The following NFIA variants were observed in gnomAD, a reference collection of about 807,000 sequenced individuals.
NFIA encodes the protein nuclear factor 1 A-type.
Under a neutral mutation model 62.8 loss-of-function variants are expected in NFIA, and 8 were observed. That is an observed-to-expected ratio of 0.13 (90% CI 0.07 to 0.23). The LOEUF (loss-of-function observed/expected upper bound fraction) is 0.23, where lower values mean the gene tolerates loss of function less well. Among genes scored for constraint, NFIA ranks in the 10% least tolerant of loss-of-function variants. The pLI is 1.00. For missense variants in NFIA, 410 were observed against 642.1 expected, an observed-to-expected ratio of 0.64 and a Z score of 3.91; for synonymous variants, 235 against 238.1, an observed-to-expected ratio of 0.99 and a Z score of 0.12.
intron 2 of NFIA, among the ~76,000 whole-genome samples, chr1:61,142,614 T>C (rs1647614137): frequency 6.6e-6 from 1 of 152,212 alleles, no homozygotes; most frequent in African/African-American, 2.4e-5. Flanking sequence ...GATTATGAAA[T>C]TGTAAAGGTT....
intron 2 of NFIA, among the ~76,000 whole-genome samples, chr1:61,209,713 A>G (rs1030728914): frequency 1.3e-5 from 2 of 151,854 alleles, no homozygotes; most frequent in Non-Finnish European, 2.9e-5. Flanking sequence ...TTAGCCAGGA[A>G]TGGTGGTGTG....
intron 2 of NFIA, among the ~76,000 whole-genome samples, chr1:61,101,124 A>G (rs971481816): frequency 1.1e-4 from 17 of 152,238 alleles, no homozygotes; most frequent in African/African-American, 4.1e-4. Flanking sequence ...GGCCAGGCAC[A>G]GTGGCTCATG....
At chr1:61,094,033 G>T (rs936188751) in intron 2 of NFIA, among the ~76,000 whole-genome samples, 1 of 152,136 alleles carries the variant, frequency 6.6e-6, no homozygotes, top group Non-Finnish European at 1.5e-5. Flanking sequence ...AATTCTAATT[G>T]CTCACAAATG....
At chr1:61,167,765 T>A (rs1649684784) in intron 2 of NFIA, among the ~76,000 whole-genome samples, 1 of 152,162 alleles carries the variant, frequency 6.6e-6, no homozygotes, top group South Asian at 2.1e-4. Flanking sequence ...AGGTTTTAGG[T>A]GTTATGATCC....
At chr1:61,404,312 T>C (rs1557761185) in intron 8 of NFIA, 30 bp downstream of exon 8, 28 of 1,564,228 alleles carry the variant, frequency 1.8e-5, no homozygotes, top group Middle Eastern at 1.7e-4. Context: ...TCCATTTCTT[T>C]AGAAATGTTA....
intron 2 of NFIA, among the ~76,000 whole-genome samples, chr1:61,243,562 A>G (rs1377010924): frequency 6.6e-6 from 1 of 151,994 alleles, no homozygotes; most frequent in African/African-American, 2.4e-5. Flanking sequence ...TTTTTTTTCT[A>G]TTACATATTC....
At chr1:61,280,721 G>A (rs1658079939) in intron 3 of NFIA, among the ~76,000 whole-genome samples, 1 of 152,100 alleles carries the variant, frequency 6.6e-6, no homozygotes, top group African/African-American at 2.4e-5. Context: ...AGACTCAACT[G>A]TAAAAGAAAA....
At chr1:61,268,868 C>T (rs976254410) in intron 2 of NFIA, among the ~76,000 whole-genome samples, 3 of 152,058 alleles carry the variant, frequency 2.0e-5, no homozygotes, top group Non-Finnish European at 2.9e-5. Flanking sequence ...AGCAAGGGGA[C>T]CCTGGATGCA....
chr1:61,356,905 C>T (rs1251289468), intron 5 of NFIA, among the ~76,000 whole-genome samples: 1 of 152,206 alleles, frequency 6.6e-6, no homozygotes, highest in Non-Finnish European at 1.5e-5. Context: ...GCTGCAATAG[C>T]TTAACTGTCT....
chr1:61,292,002 A>G (rs1011779129), intron 3 of NFIA, among the ~76,000 whole-genome samples: 1 of 152,190 alleles, frequency 6.6e-6, no homozygotes, highest in Admixed American at 6.5e-5. Context: ...AGTAAATGTC[A>G]CAGTATACTG....
chr1:61,246,266 A>C (rs1016568056), intron 2 of NFIA, among the ~76,000 whole-genome samples: 2 of 152,202 alleles, frequency 1.3e-5, no homozygotes, highest in Non-Finnish European at 2.9e-5. Context: ...TCTCTCGGAA[A>C]GTTGCCAAGA....
intron 2 of NFIA, among the ~76,000 whole-genome samples, chr1:61,181,245 A>G (rs1650735658): frequency 6.6e-6 from 1 of 152,216 alleles, no homozygotes; most frequent in African/African-American, 2.4e-5. Flanking sequence ...AAGCATAAAT[A>G]TGTAATTTGT....
At chr1:61,083,482 G>A (rs1646157636) in intron 1 of NFIA, among the ~76,000 whole-genome samples, 1 of 152,046 alleles carries the variant, frequency 6.6e-6, no homozygotes, top group Non-Finnish European at 1.5e-5. Context: ...GGCCCGGACA[G>A]CGCCCCTCGG....
At chr1:61,418,119 T>C (rs1195541040) in intron 9 of NFIA, among the ~76,000 whole-genome samples, 2 of 152,204 alleles carry the variant, frequency 1.3e-5, no homozygotes, top group Non-Finnish European at 2.9e-5. Context: ...ATTTTTAGGT[T>C]CCATTTGTGT....
chr1:61,154,452 G>A (rs536120503), intron 2 of NFIA, among the ~76,000 whole-genome samples: 55 of 152,120 alleles, frequency 3.6e-4, no homozygotes, highest in Non-Finnish European at 5.3e-4. Flanking sequence ...CACCACACCC[G>A]GCCTTATTTT....
chr1:61,310,377 AC>A (rs1660033051), intron 3 of NFIA, among the ~76,000 whole-genome samples: 1 of 152,266 alleles, frequency 6.6e-6, no homozygotes, highest in South Asian at 2.1e-4. Flanking sequence ...ACTCTTCAGC[AC>A]TTTACCCAAG....
chr1:61,292,763 C>G (rs540872857), intron 3 of NFIA, among the ~76,000 whole-genome samples: 2 of 152,226 alleles, frequency 1.3e-5, no homozygotes, highest in South Asian at 4.1e-4. Flanking sequence ...CTTTCTTGCT[C>G]CTTAAAATTA....
chr1:61,246,428 C>T (rs1655655099), intron 2 of NFIA, among the ~76,000 whole-genome samples: 1 of 152,100 alleles, frequency 6.6e-6, no homozygotes, highest in South Asian at 2.1e-4. Flanking sequence ...TAATCATTTA[C>T]TATGACAGTG....
At chr1:61,244,090 G>A (rs575029139) in intron 2 of NFIA, among the ~76,000 whole-genome samples, 1 of 152,188 alleles carries the variant, frequency 6.6e-6, no homozygotes, top group South Asian at 2.1e-4. Context: ...ACCCAAGTAT[G>A]TATTGAAATA....
Sources: gnomAD v4.1 joint callset for allele counts (sites outside exome capture counted in the v4.1 genomes callset) on GRCh38, gnomAD v4.1.1 for gene constraint, MANE v1.5 for transcripts, NCBI Gene and HGNC (gene_info 2026-07-23, HGNC 2026-07-21) for gene names.